SRPK1: variants seen among roughly 807,000 people sequenced by gnomAD.
The protein encoded by SRPK1 is SFRS protein kinase 1.
SRPK1 carries 52 observed loss-of-function variants against 89.5 expected under a neutral mutation model. The ratio of observed to expected loss-of-function variants is 0.58; its 90% CI spans 0.46 to 0.73. The LOEUF is 0.73. Among genes scored for constraint, SRPK1 ranks in the 30% least tolerant of loss-of-function variants. The pLI, the probability that SRPK1 is intolerant of heterozygous loss-of-function variation, is 0.00. For synonymous variants in SRPK1, 255 were observed against 270.2 expected, an observed-to-expected ratio of 0.94 and a Z score of 0.55; for missense variants, 603 against 780.6, an observed-to-expected ratio of 0.77 and a Z score of 2.71.
chr6:35,869,523 T>C lies in SRPK1; in HGVS notation c.1370A>G (p.Asp457Gly), dbSNP rs773198874. The C allele has an allele frequency of 3.2e-5, 51 of 1,613,986 alleles. 1 individual carries two copies. The South Asian group carries it at 5.5e-4, about 17-fold the overall frequency. ...ESIRAEIPCE[D>G]EQEQEHNGPL... is the part of the protein sequence containing the mutation. ...TCCGTTATGTTCTTGCTCTTGTTCA[T>C]CTTCACAGGGTATCTCTGCCCGAAT... The change falls in exon 11 of 16, where the codon GAT becomes GGT. Residue 457 changes from aspartate to glycine, a missense_variant. By Grantham distance (94) the Asp-to-Gly change is moderately conservative. Transcript: ENST00000373825.
intron 6 of SRPK1, among the ~76,000 whole-genome samples, chr6:35,883,426 A>T (rs1040700704): frequency 6.6e-6 from 1 of 151,676 alleles, no homozygotes; most frequent in African/African-American, 2.4e-5. Flanking sequence ...TAAATAAAAA[A>T]AATTATCAAA....
chr6:35,911,534 G>T (rs1414275644), intron 2 of SRPK1, among the ~76,000 whole-genome samples: 1 of 151,956 alleles, frequency 6.6e-6, no homozygotes, highest in South Asian at 2.1e-4. Flanking sequence ...GGGCAACATG[G>T]TGAGACCCTG....
rs1771208069 is a variant in SRPK1 at position 35,920,416 on chromosome 6, G to A, written c.74+52C>T. 11 of 1,597,128 alleles carry A rather than the reference G, an allele frequency of 6.9e-6. No individual in the cohort carries two copies. The South Asian group carries it at 1.1e-4, about 16-fold the overall frequency. On this transcript the variant is annotated intron_variant, in intron 2 of 15. Coordinates refer to ENST00000373825, the MANE Select transcript of SRPK1 (RefSeq NM_003137.5). Reference sequence around the variant, plus strand: ...GTTCAAGACGTGAAACCAGAGCAGAGAAGGTGCCGGAGGAAAATCCAAAGA... The same window carrying A: ...GTTCAAGACGTGAAACCAGAGCAGAAAAGGTGCCGGAGGAAAATCCAAAGA...
Position 35,902,230 on chromosome 6 carries a change from T to C in SRPK1, c.75-11217A>G, listed in dbSNP as rs1376050442. 7.8e-5 allele frequency among the ~76,000 whole-genome samples: 5 copies of C among 64,292 alleles called. No homozygotes were observed. In the Admixed American group the frequency reaches 1.1e-3, roughly 15 times the overall value. The allele number at this position is 64,292 out of a possible 152,430, so 42.2% of individuals were successfully genotyped here. A position where few individuals can be genotyped will look rare whatever the true frequency, so the allele number is the denominator to read the frequency against. On this transcript the variant is annotated intron_variant, in intron 2 of 15. Transcript: ENST00000373825. Reference sequence around the variant, plus strand: ...GGGCCAGATGGCGAGACTCCGTCTCTACAAAAAAAAAAAAAAAAAAAAGAA... The same window carrying C: ...GGGCCAGATGGCGAGACTCCGTCTCCACAAAAAAAAAAAAAAAAAAAAGAA...
chr6:35,905,336 C>T (rs1581597542), intron 2 of SRPK1, among the ~76,000 whole-genome samples: 17 of 152,114 alleles, frequency 1.1e-4, no homozygotes, highest in Admixed American at 1.1e-3. Context: ...ACTTCACACA[C>T]TCTAATAAGC....
intron 2 of SRPK1, among the ~76,000 whole-genome samples, chr6:35,896,259 G>A (rs1301014047): frequency 6.6e-6 from 1 of 152,174 alleles, no homozygotes; most frequent in Non-Finnish European, 1.5e-5. Flanking sequence ...TGAATCAGAG[G>A]ACATCTAGCT....
intron 13 of SRPK1, among the ~76,000 whole-genome samples, chr6:35,855,765 A>C (rs1055429191): frequency 7.2e-5 from 11 of 152,178 alleles, no homozygotes; most frequent in Admixed American, 3.3e-4. Flanking sequence ...TCGATGTTTC[A>C]TTCTTGTTGC....
intron 6 of SRPK1, among the ~76,000 whole-genome samples, chr6:35,884,813 C>T (rs972642322): frequency 4.0e-5 from 6 of 151,854 alleles, no homozygotes; most frequent in Non-Finnish European, 7.4e-5. Context: ...CCAGCCTGGC[C>T]AACATGGTGA....
intron 7 of SRPK1, among the ~76,000 whole-genome samples, chr6:35,873,832 C>CTT (rs34831961): frequency 2.6e-5 from 3 of 115,064 alleles, no homozygotes; most frequent in East Asian, 2.8e-4. Context: ...AACAAAAATT[C>CTT]TTTTTTTTTT....
chr6:35,835,856 G>A (rs901508562), intron 15 of SRPK1, among the ~76,000 whole-genome samples: 25 of 151,982 alleles, frequency 1.6e-4, no homozygotes, highest in East Asian at 1.5e-3. Context: ...ACCACATACC[G>A]AGAATAATTT....
intron 2 of SRPK1, among the ~76,000 whole-genome samples, chr6:35,918,170 CAAAAG>C (rs1438587788): frequency 4.0e-5 from 6 of 151,734 alleles, no homozygotes; most frequent in Admixed American, 1.3e-4. Flanking sequence ...GGGATACAAA[CAAAAG>C]AAAAGAAAGA....
chr6:35,873,737 G>A (rs1293535732), intron 7 of SRPK1, among the ~76,000 whole-genome samples: 2 of 152,154 alleles, frequency 1.3e-5, no homozygotes, highest in East Asian at 1.9e-4. Flanking sequence ...TGATCTGCCC[G>A]CCTCGGCCTC....
At chr6:35,874,040 G>A in intron 7 of SRPK1, among the ~76,000 whole-genome samples, 193 bp downstream of exon 7, 1 of 149,278 alleles carries the variant, frequency 6.7e-6, no homozygotes, top group East Asian at 2.0e-4. Flanking sequence ...TGTTAGCCAG[G>A]ATGGTCTTGA....
At chr6:35,874,360 GA>G (rs534051313) in intron 6 of SRPK1, 21 bp from the exon 7 acceptor site, 1 of 1,550,084 alleles carries the variant, frequency 6.5e-7, no homozygotes. Context: ...ATTAAGGAGG[GA>G]AAAAACGGCA....
intron 6 of SRPK1, among the ~76,000 whole-genome samples, chr6:35,876,853 C>T (rs145451073): frequency 1.3e-4 from 20 of 152,264 alleles, no homozygotes; most frequent in Non-Finnish European, 2.5e-4. Flanking sequence ...CATCTTATTG[C>T]CTTGAGGCTT....
In SRPK1 at chr6:35,835,235, G is replaced by A; in HGVS notation, c.*69C>T. The A allele has an allele frequency of 7.4e-7, 1 of 1,347,614 alleles. No individual in the cohort carries two copies. The highest frequency in any genetic ancestry group is 1.5e-5 in the South Asian group (1 of 66,440). The allele number at this position is 1,347,614 out of a possible 1,614,324, so 83.5% of individuals were successfully genotyped here. On this transcript the variant is annotated 3_prime_UTR_variant, in exon 16 of 16. Transcript: ENST00000373825. ...GAAGAGCTTCACCCTGAAAAGGGAA[G>A]AGGAAAATGCTTGAAGGGGAAGGGC...
chr6:35,876,204 T>C (rs1770155539), intron 6 of SRPK1, among the ~76,000 whole-genome samples: 1 of 146,018 alleles, frequency 6.8e-6, no homozygotes, highest in African/African-American at 2.5e-5. Context: ...CTCAAACTAA[T>C]AAATGACTAA....
chr6:35,869,903 T>C lies in SRPK1; in HGVS notation c.992-2A>G, dbSNP rs779715550. 7.8e-6 allele frequency: 12 copies of C among 1,544,278 alleles called. No homozygotes were observed. Among genetic ancestry groups the C allele is most frequent in the Non-Finnish European group, 5.2e-6 (6 of 1,149,530 alleles). ...CCTGGCCAATGGTACTTGACTCTTC[T>C]AAGGAACAAACGAACAAAAAAAGAT... On this transcript the variant is annotated splice_acceptor_variant, in intron 10 of 15. Transcript: ENST00000373825. LOFTEE classifies it high-confidence loss of function.
chr6:35,849,778 G>T (rs1388717831), intron 13 of SRPK1, among the ~76,000 whole-genome samples: 1 of 152,100 alleles, frequency 6.6e-6, no homozygotes, highest in Non-Finnish European at 1.5e-5. Context: ...TGCAAATATT[G>T]CAAAATCTAA....
Sources: gnomAD v4.1 joint callset for allele counts (sites outside exome capture counted in the v4.1 genomes callset) on GRCh38, gnomAD v4.1.1 for gene constraint, MANE v1.5 for transcripts, NCBI Gene and HGNC (gene_info 2026-07-23, HGNC 2026-07-21) for gene names.